The following PRKAG3 variants were observed in gnomAD, a reference collection of about 807,000 sequenced individuals.
PRKAG3 encodes the protein protein kinase AMP-activated non-catalytic subunit gamma 3.
Under a neutral mutation model 56.5 loss-of-function variants are expected in PRKAG3, and 39 were observed. The ratio of observed to expected loss-of-function variants is 0.69; its 90% confidence interval spans 0.53 to 0.90. The LOEUF is 0.90. PRKAG3 is among the 40% of genes least tolerant of loss of function. The pLI is 0.00. For synonymous variants in PRKAG3, 243 were observed against 250.1 expected (o/e 0.97, Z 0.27); for missense variants, 628 against 627.5 (o/e 1.00, Z -0.01).
intron 11 of PRKAG3, 74 bp downstream of exon 11, chr2:218,824,465 G>C: frequency 6.2e-7 from 1 of 1,607,576 alleles, no homozygotes; most frequent in Non-Finnish European, 8.5e-7. Flanking sequence ...GGTCCCCCTG[G>C]TCCACAGAGG....
intron 10 of PRKAG3, among the ~76,000 whole-genome samples, chr2:218,825,866 C>G (rs973287621): frequency 1.3e-4 from 19 of 151,362 alleles, no homozygotes; most frequent in Non-Finnish European, 2.9e-5. Context: ...AACCGATTCT[C>G]CTACCTCAGC....
rs757190968 is a variant in PRKAG3, at chr2:218,830,300, G to A, written c.311C>T (p.Pro104Leu). The change falls in exon 4 of 13, where the codon CCT (proline) becomes CTT (leucine). Residue 104 changes from proline to leucine, a missense_variant. By Grantham distance (98) the Pro-to-Leu change is moderately conservative. Transcript: ENST00000529249. Reference sequence around the variant, plus strand: ...TGTTGGTGGAGTGCCCACCCCGGCAGGATCAGCTTGAGCCAAGGGTGTGGT... The same window carrying A: ...TGTTGGTGGAGTGCCCACCCCGGCAAGATCAGCTTGAGCCAAGGGTGTGGT... 10 of 1,613,296 alleles carry A rather than the reference G, an allele frequency of 6.2e-6. No individual in the cohort carries two copies. In the Admixed American group the frequency reaches 1.3e-4, roughly 22 times the overall value.
rs368797002 is a variant in PRKAG3, at chr2:218,828,514, C to T, written c.715+5G>A. 1 of 1,612,380 alleles carries T rather than the reference C, an allele frequency of 6.2e-7. No individual in the cohort carries two copies. The highest frequency in any genetic ancestry group is 1.3e-5 in the African/African-American group (1 of 74,880). On this transcript the variant is annotated splice_donor_5th_base_variant and intron_variant, in intron 5 of 12. Transcript: ENST00000529249. Reference sequence around the variant, plus strand: ...TCTCCCTTCACCTCCCCAGCCTCTCCTCACCCACAAAGCTCTGCTTCTTGC... The same window carrying T: ...TCTCCCTTCACCTCCCCAGCCTCTCTTCACCCACAAAGCTCTGCTTCTTGC...
At chr2:218,824,338 G>C (rs773718247) in exon 12 of PRKAG3, 1 of 1,614,120 alleles carries the variant, frequency 6.2e-7, no homozygotes, top group East Asian at 2.2e-5. Flanking sequence ...CTCATGTCCA[G>C]GTGGTTGTAG....
chr2:218,826,779 G>C (rs1408387288), intron 10 of PRKAG3, 149 bp downstream of exon 10: 2 of 1,042,310 alleles, frequency 1.9e-6, no homozygotes, highest in East Asian at 2.6e-5. Flanking sequence ...ACTTGCCCAA[G>C]TCTCAGAGTA....
Position 218,831,736 on chromosome 2 carries a change from A to C in PRKAG3, c.33+2T>G. ...GCTCCGGCTCCCCTGGGACCCCCATACCCTGCGCAGTGCGTGCTCCAGCCC... is the reference window on the plus strand; with the variant it reads ...GCTCCGGCTCCCCTGGGACCCCCATCCCCTGCGCAGTGCGTGCTCCAGCCC... On this transcript the variant is annotated splice_donor_variant, in intron 1 of 12. Transcript: ENST00000529249. LOFTEE classifies it high-confidence loss of function. 6.2e-7 allele frequency: 1 copy of C among 1,610,550 alleles called. No individual in the cohort carries two copies. The highest frequency in any genetic ancestry group is 8.5e-7 in the Non-Finnish European group (1 of 1,178,972).
At chr2:218,823,501 G>T in exon 13 of PRKAG3, 1 of 537,030 alleles carries the variant, frequency 1.9e-6, no homozygotes, top group Non-Finnish European at 3.2e-6. Context: ...GACAAAGTGG[G>T]GACCTGTGAG....
chr2:218,828,460 C>A, intron 5 of PRKAG3, 59 bp downstream of exon 5: 1 of 1,493,136 alleles, frequency 6.7e-7, no homozygotes. Flanking sequence ...CCAGAACAAC[C>A]GTACAAGATC....
At chr2:218,828,756 G>A (rs1943975212) in intron 4 of PRKAG3, among the ~76,000 whole-genome samples, 156 bp from the exon 5 acceptor site, 1 of 152,108 alleles carries the variant, frequency 6.6e-6, no homozygotes, top group Non-Finnish European at 1.5e-5. Flanking sequence ...CTCTACACCA[G>A]CTGGCCTGTC....
Position 218,824,595 on chromosome 2 carries a change from G to A in PRKAG3, c.1169-19C>T. The A allele has an allele frequency of 6.2e-7, 1 of 1,605,062 alleles. No homozygotes were observed. Among genetic ancestry groups the A allele is most frequent in the Non-Finnish European group, 8.5e-7 (1 of 1,171,792 alleles). ...ACCTGACCTGCAGAGGGTGGTTGTG[G>A]GGGGTGGGGGGAGAAAGACAGGGAA... On this transcript the variant is annotated intron_variant, in intron 10 of 12. Coordinates refer to ENST00000529249, the Ensembl canonical transcript of PRKAG3.
chr2:218,830,934 G>T (rs138177677), intron 2 of PRKAG3, 33 bp from the exon 3 acceptor site: 1 of 1,604,356 alleles, frequency 6.2e-7, no homozygotes, highest in Non-Finnish European at 8.5e-7. Flanking sequence ...TTGGTTAATA[G>T]GGAGTAATGC....
At chr2:218,829,532 T>C (rs1943987052) in intron 4 of PRKAG3, among the ~76,000 whole-genome samples, 1 of 151,976 alleles carries the variant, frequency 6.6e-6, no homozygotes, top group East Asian at 1.9e-4. Context: ...TTCACCATGT[T>C]GGTCAGGCCG....
intron 12 of PRKAG3, 112 bp downstream of exon 12, chr2:218,824,110 G>T (rs950194189): frequency 9.7e-6 from 15 of 1,547,488 alleles, no homozygotes; most frequent in Non-Finnish European, 1.2e-5. Context: ...CCAGGAGTTG[G>T]TCATGAAATG....
At chr2:218,824,835 T>C (rs1394906705) in intron 10 of PRKAG3, among the ~76,000 whole-genome samples, 1 of 152,132 alleles carries the variant, frequency 6.6e-6, no homozygotes, top group Non-Finnish European at 1.5e-5. Context: ...CCTTTAGATA[T>C]AATTTCAGTT....
In PRKAG3 at chr2:218,825,870, C is replaced by T. The variant is rs185604831; in HGVS notation, c.1168+1058G>A. Among the ~76,000 whole-genome samples the T allele has an allele frequency of 2.3e-3, 348 of 151,698 alleles. 2 individuals are homozygous for T. Among genetic ancestry groups the T allele is most frequent in the African/African-American group, 8.1e-3 (336 of 41,374 alleles). ...CTCCCAGGTTCAACCGATTCTCCTACCTCAGCCTCCTAAGTAGCTGGGACT... is the reference window on the plus strand; with the variant it reads ...CTCCCAGGTTCAACCGATTCTCCTATCTCAGCCTCCTAAGTAGCTGGGACT... On this transcript the variant is annotated intron_variant, in intron 10 of 12. Coordinates refer to ENST00000529249, the Ensembl canonical transcript of PRKAG3.
intron 4 of PRKAG3, among the ~76,000 whole-genome samples, chr2:218,828,970 T>A (rs1005440998): frequency 2.0e-5 from 3 of 152,222 alleles, no homozygotes; most frequent in Non-Finnish European, 4.4e-5. Flanking sequence ...GTTATTTACA[T>A]AACACTTGCA....
chr2:218,826,574 G>A (rs990530996), intron 10 of PRKAG3: 4 of 342,398 alleles, frequency 1.2e-5, no homozygotes, highest in African/African-American at 6.4e-5. Flanking sequence ...TCTCTCAAAG[G>A]GCTGGCATTA....
exon 13 of PRKAG3, chr2:218,823,488 T>C: frequency 6.1e-6 from 3 of 492,586 alleles, no homozygotes; most frequent in South Asian, 6.1e-5. Context: ...CAGCTGAAAA[T>C]GGGACAAAGT....
chr2:218,825,370 C>A (rs192513312), intron 10 of PRKAG3, among the ~76,000 whole-genome samples: 4 of 150,748 alleles, frequency 2.7e-5, no homozygotes, highest in Admixed American at 1.3e-4. Context: ...TGGCCGGTCG[C>A]GGTGGCTCAT....
Sources: gnomAD v4.1 joint callset for allele counts (sites outside exome capture counted in the v4.1 genomes callset) on GRCh38, gnomAD v4.1.1 for gene constraint, MANE v1.5 for transcripts, NCBI Gene and HGNC (gene_info 2026-07-23, HGNC 2026-07-21) for gene names.